KLK3: variants seen among roughly 807,000 people sequenced by gnomAD.
KLK3 encodes kallikrein related peptidase 3, also known as prostate-specific antigen.
In KLK3, 23 loss-of-function variants were observed where a neutral mutation model predicts 27.7. The ratio of observed to expected loss-of-function variants is 0.83; its 90% confidence interval spans 0.60 to 1.17. KLK3 has a LOEUF of 1.17. Among genes scored for constraint, KLK3 ranks in the 50% most tolerant of loss-of-function variants. The pLI is 0.00. For synonymous variants in KLK3, 142 were observed against 134.2 expected (o/e 1.06, Z -0.40); for missense variants, 322 against 338.1 (o/e 0.95, Z 0.37).
intron 2 of KLK3, chr19:50,856,623 A>G (rs1400619637): frequency 1.5e-5 from 8 of 519,904 alleles, no homozygotes; most frequent in Admixed American, 1.1e-4. Context: ...TGTCGCTTTC[A>G]TTATGTCTCT....
chr19:50,858,207 C>G lies in KLK3; in HGVS notation c.385C>G (p.Pro129Ala). ...HDLMLLRLSE[P>A]AELTDAVKVM... ...CCTCATGCTGCTCCGCCTGTCAGAGCCTGCCGAGCTCACGGATGCTGTGAA... is the reference window on the plus strand; with the variant it reads ...CCTCATGCTGCTCCGCCTGTCAGAGGCTGCCGAGCTCACGGATGCTGTGAA... The change falls in exon 3 of 5, where the codon CCT becomes GCT. Residue 129 changes from proline (P) to alanine (A), a missense_variant. By Grantham distance (27) the Pro-to-Ala change is conservative. Transcript: ENST00000326003. The G allele has an allele frequency of 6.2e-7, 1 of 1,614,232 alleles. No homozygotes were observed. The highest frequency in any genetic ancestry group is 8.5e-7 in the Non-Finnish European group (1 of 1,180,052).
Position 50,856,263 on chromosome 19 carries a change from C to G in KLK3, c.70C>G (p.Arg24Gly). 6.2e-7 allele frequency: 1 copy of G among 1,612,836 alleles called. No homozygotes were observed. The highest frequency in any genetic ancestry group is 8.5e-7 in the Non-Finnish European group (1 of 1,179,914). Residue 24 changes from arginine (R) to glycine (G), a missense_variant, in exon 2 of 5, where the codon CGG becomes GGG. By Grantham distance (125) the Arg-to-Gly change is moderately radical. Transcript: ENST00000326003. ...AGGTGCTGCACCCCTCATCCTGTCTCGGATTGTGGGAGGCTGGGAGTGCGA... is the reference window on the plus strand; with the variant it reads ...AGGTGCTGCACCCCTCATCCTGTCTGGGATTGTGGGAGGCTGGGAGTGCGA... ...WIGAAPLILS[R>G]IVGGWECEKH...
Position 50,860,635 on chromosome 19 carries a change from T to C in KLK3, c.*508T>C, listed in dbSNP as rs1293156605. ...CCTTTGGCATGGGATGGGGATGAAG[T>C]AAGGAGAGGGACTGGACCCCCTGGA... On this transcript the variant is annotated 3_prime_UTR_variant, in exon 5 of 5. Coordinates refer to ENST00000326003, the MANE Select transcript of KLK3 (RefSeq NM_001648.2). 6.6e-6 allele frequency: 1 copy of C among 152,298 alleles called. No individual in the cohort carries two copies. The allele number at this position is 152,298 out of a possible 1,614,324, so 9.4% of individuals were successfully genotyped here.
chr19:50,860,239 G>T lies in KLK3; in HGVS notation c.*112G>T. ...TTTGTCCTTAGGTGTGAGGTCCAGG[G>T]TTGCTAGGAAAAGAAATCAGCAGAC... On this transcript the variant is annotated 3_prime_UTR_variant, in exon 5 of 5. Coordinates refer to ENST00000326003, the MANE Select transcript of KLK3 (RefSeq NM_001648.2). The T allele has an allele frequency of 1.2e-6, 1 of 805,484 alleles. No homozygotes were observed. Among genetic ancestry groups the T allele is most frequent in the South Asian group, 1.8e-5 (1 of 55,570 alleles). The allele number at this position is 805,484 out of a possible 1,614,324, so 49.9% of individuals were successfully genotyped here. A position where few individuals can be genotyped will look rare whatever the true frequency, so the allele number is the denominator to read the frequency against.
At chr19:50,855,824 C>T (rs762549) in intron 1 of KLK3, 5 of 160,328 alleles carry the variant, frequency 3.1e-5, no homozygotes, top group East Asian at 1.8e-4. Context: ...AACTGAACCT[C>T]GCCATAAGGC....
Position 50,856,634 on chromosome 19 carries a change from T to C in KLK3, c.206+235T>C, listed in dbSNP as rs532585862. On this transcript the variant is annotated intron_variant, in intron 2 of 4. Transcript: ENST00000326003. ...TTTGTGTCGCTTTCATTATGTCTCTTGGTAACTGGCTTCGGTTGTGTCTCT... is the reference window on the plus strand; with the variant it reads ...TTTGTGTCGCTTTCATTATGTCTCTCGGTAACTGGCTTCGGTTGTGTCTCT... The C allele has an allele frequency of 8.7e-4, 444 of 511,152 alleles. 7 individuals carry two copies. In the South Asian group the frequency reaches 0.012, roughly 14 times the overall value. The allele number at this position is 511,152 out of a possible 1,614,324, so 31.7% of individuals were successfully genotyped here.
intron 4 of KLK3, 36 bp from the exon 5 acceptor site, chr19:50,859,936 T>C: frequency 6.3e-7 from 1 of 1,579,682 alleles, no homozygotes. Flanking sequence ...AAACTGGGAC[T>C]GACCTATCTC....
At chr19:50,858,371 G>A in intron 3 of KLK3, 56 bp downstream of exon 3, 1 of 1,603,592 alleles carries the variant, frequency 6.2e-7, no homozygotes, top group Non-Finnish European at 8.5e-7. Flanking sequence ...TCTGAGGGAG[G>A]AGGGGACAGG....
At chr19:50,858,383 C>T (rs771910793) in intron 3 of KLK3, 68 bp downstream of exon 3, 7 of 1,605,802 alleles carry the variant, frequency 4.4e-6, no homozygotes, top group Admixed American at 1.7e-5. Context: ...GGGGACAGGA[C>T]TCCTAGGTCT....
chr19:50,857,179 A>AAAAAAAAAAG (rs1555770267), intron 2 of KLK3, among the ~76,000 whole-genome samples: 2 of 145,276 alleles, frequency 1.4e-5, no homozygotes, highest in Non-Finnish European at 3.0e-5. Flanking sequence ...AAAAAAAAAA[A>AAAAAAAAAAG]AAAAGAAAAG....
In KLK3 at chr19:50,858,241, A is replaced by G; in HGVS notation, c.419A>G (p.Asp140Gly). ...AELTDAVKVM[D>G]LPTQEPALGT... ...CTCACGGATGCTGTGAAGGTCATGG[A>G]CCTGCCCACCCAGGAGCCAGCACTG... Residue 140 changes from aspartate to glycine, a missense_variant, in exon 3 of 5, where the codon GAC becomes GGC. Transcript: ENST00000326003. 3 of 1,614,182 alleles carry G rather than the reference A, an allele frequency of 1.9e-6. No individual in the cohort carries two copies. Among genetic ancestry groups the G allele is most frequent in the Non-Finnish European group, 2.5e-6 (3 of 1,180,044 alleles).
rs2090179951 is a variant in KLK3 at position 50,860,656 on chromosome 19, CT to C, written c.*530del. 6.6e-6 allele frequency: 1 copy of C among 152,374 alleles called. No homozygotes were observed. Among genetic ancestry groups the C allele is most frequent in the South Asian group, 2.1e-4 (1 of 4,836 alleles). The allele number at this position is 152,374 out of a possible 1,614,324, so 9.4% of individuals were successfully genotyped here. On this transcript the variant is annotated 3_prime_UTR_variant, in exon 5 of 5. Transcript: ENST00000326003. ...GAAGTAAGGAGAGGGACTGGACCCCCTGGAAGCTGATTCACTATGGGGGGAG... is the reference window on the plus strand; with the variant it reads ...GAAGTAAGGAGAGGGACTGGACCCCCGGAAGCTGATTCACTATGGGGGGAG...
chr19:50,857,184 G>A (rs113476261), intron 2 of KLK3, among the ~76,000 whole-genome samples: 1,181 of 84,298 alleles, frequency 0.014, no homozygotes, highest in Middle Eastern at 0.035. Context: ...AAAAAAAAAA[G>A]AAAAGAAAAG....
At position 50,858,275 on chromosome 19, in the gene KLK3, C is replaced by A; in HGVS notation, c.453C>A (p.Thr151=). The change falls in exon 3 of 5, where the codon ACC becomes ACA. Residue 151 remains threonine, a synonymous_variant. Transcript: ENST00000326003. The part of the protein sequence containing the change: ...LPTQEPALGT[T]CYASGWGSIE... ...CCCAGGAGCCAGCACTGGGGACCAC[C>A]TGCTACGCCTCAGGCTGGGGCAGCA... is the stretch of plus-strand genomic sequence containing the variant. The A allele has an allele frequency of 6.2e-7, 1 of 1,614,116 alleles. No homozygotes were observed. Among genetic ancestry groups the A allele is most frequent in the Non-Finnish European group, 8.5e-7 (1 of 1,180,032 alleles).
Position 50,860,113 on chromosome 19 carries a change from G to A in KLK3, c.772G>A (p.Val258Met), listed in dbSNP as rs200006942. 1.1e-5 allele frequency: 17 copies of A among 1,613,452 alleles called. No individual in the cohort carries two copies. The highest frequency in any genetic ancestry group is 3.3e-5 in the South Asian group (3 of 91,036). ...HYRKWIKDTIVANP is the reference protein window; with the variant it reads ...HYRKWIKDTIMANP ...CCGGAAGTGGATCAAGGACACCATC[G>A]TGGCCAACCCCTGAGCACCCCTATC... Residue 258 changes from valine (V) to methionine (M), a missense_variant, in exon 5 of 5, where the codon GTG becomes ATG. Transcript: ENST00000326003.
rs963195194 is a variant in KLK3 at position 50,860,079 on chromosome 19, G to C, written c.738G>C (p.Val246=). Residue 246 remains valine (V), a synonymous_variant, in exon 5 of 5, where the codon GTG becomes GTC. Coordinates refer to ENST00000326003, the MANE Select transcript of KLK3 (RefSeq NM_001648.2). ...AAAGGCCTTCCCTGTACACCAAGGT[G>C]GTGCATTACCGGAAGTGGATCAAGG... ...LPERPSLYTK[V]VHYRKWIKDT... 1 of 1,613,940 alleles carries C rather than the reference G, an allele frequency of 6.2e-7. No homozygotes were observed. Among genetic ancestry groups the C allele is most frequent in the Non-Finnish European group, 8.5e-7 (1 of 1,179,954 alleles).
At chr19:50,859,382 AG>A in intron 4 of KLK3, 1 of 597,188 alleles carries the variant, frequency 1.7e-6, no homozygotes, top group Non-Finnish European at 3.0e-6. Context: ...GCAGGGAGGG[AG>A]GGCAGCAGGG....
intron 4 of KLK3, chr19:50,859,460 T>A: frequency 7.5e-7 from 1 of 1,338,612 alleles, no homozygotes; most frequent in Non-Finnish European, 1.1e-6. Flanking sequence ...CCTGGGCCCT[T>A]ACCCAGCCTC....
In KLK3 at chr19:50,856,362, C is replaced by T; in HGVS notation, c.169C>T (p.Pro57Ser). 6.2e-7 allele frequency: 1 copy of T among 1,613,870 alleles called. No homozygotes were observed. Among genetic ancestry groups the T allele is most frequent in the African/African-American group, 1.3e-5 (1 of 75,034 alleles). The change falls in exon 2 of 5, where the codon CCC becomes TCC. Residue 57 changes from proline (P) to serine (S), a missense_variant. By Grantham distance (74) the Pro-to-Ser change is moderately conservative (BLOSUM62 -1). Coordinates refer to ENST00000326003, the MANE Select transcript of KLK3 (RefSeq NM_001648.2). ...RAVCGGVLVH[P>S]QWVLTAAHCI... ...AGTCTGCGGCGGTGTTCTGGTGCACCCCCAGTGGGTCCTCACAGCTGCCCA... is the reference window on the plus strand; with the variant it reads ...AGTCTGCGGCGGTGTTCTGGTGCACTCCCAGTGGGTCCTCACAGCTGCCCA...
Sources: gnomAD v4.1 joint callset for allele counts (sites outside exome capture counted in the v4.1 genomes callset) on GRCh38, gnomAD v4.1.1 for gene constraint, MANE v1.5 for transcripts, NCBI Gene and HGNC (gene_info 2026-07-23, HGNC 2026-07-21) for gene names.